Variants in LVRN observed in about 807,000 individuals in gnomAD.
LVRN encodes the protein laeverin, also known as aminopeptidase Q.
LVRN carries 99 observed loss-of-function variants against 111.4 expected under a neutral mutation model. That is an observed-to-expected ratio of 0.89 (90% CI 0.76 to 1.05). The LOEUF is 1.05. Among genes scored for constraint, LVRN ranks in the 50% least tolerant of loss-of-function variants. LVRN has a pLI of 0.00. For missense variants in LVRN, 1,414 were observed against 1,206.8 expected, an observed-to-expected ratio of 1.17 and a Z score of -2.54; for synonymous variants, 488 against 449.5, an observed-to-expected ratio of 1.09 and a Z score of -1.08.
rs10062297 is a variant in LVRN at position 115,962,681 on chromosome 5, C to T, written c.64C>T (p.Leu22=). The change falls in exon 1 of 20, where the codon CTG becomes TTG. Residue 22 remains leucine (L), a synonymous_variant. Transcript: ENST00000357872. ...SRAVALLLAG[L]VAALLLALAV... Reference sequence around the variant, plus strand: ...CGCAGTGGCCCTGCTGCTGGCTGGGCTGGTAGCCGCCCTCCTGCTGGCGCT... The same window carrying T: ...CGCAGTGGCCCTGCTGCTGGCTGGGTTGGTAGCCGCCCTCCTGCTGGCGCT... 0.8 allele frequency: 1,288,851 copies of T among 1,609,970 alleles called. 517,814 individuals carry two copies. Among genetic ancestry groups the T allele is most frequent in the African/African-American group, 0.85 (63,373 of 74,920 alleles).
chr5:116,000,394 G>T, intron 7 of LVRN, 39 bp from the exon 8 acceptor site: 1 of 1,600,880 alleles, frequency 6.2e-7, no homozygotes, highest in Non-Finnish European at 8.6e-7. Context: ...TGTGGATATT[G>T]AATTTTGTTC....
At position 116,001,041 on chromosome 5, in the gene LVRN, G is replaced by A. The variant is rs746662285; in HGVS notation, c.1648-26G>A. 3.2e-6 allele frequency: 5 copies of A among 1,572,594 alleles called. No homozygotes were observed. In the Admixed American group the frequency reaches 8.5e-5, roughly 27 times the overall value. On this transcript the variant is annotated intron_variant, in intron 9 of 19. Transcript: ENST00000357872. Reference sequence around the variant, plus strand: ...AAATGTTTCACGGATAACCTTACCTGCCTTTGTGGTGATTTTTTAAAACAG... The same window carrying A: ...AAATGTTTCACGGATAACCTTACCTACCTTTGTGGTGATTTTTTAAAACAG...
intron 19 of LVRN, among the ~76,000 whole-genome samples, chr5:116,025,765 T>A (rs963209547): frequency 6.6e-6 from 1 of 152,226 alleles, no homozygotes; most frequent in Non-Finnish European, 1.5e-5. Context: ...CACCTTCCTG[T>A]CTACATCTGC....
intron 10 of LVRN, among the ~76,000 whole-genome samples, chr5:116,002,232 A>T (rs1269040061): frequency 2.0e-5 from 3 of 152,190 alleles, no homozygotes; most frequent in Admixed American, 1.3e-4. Context: ...GGAACTTAAC[A>T]AGATTGGAAA....
rs146635736 is a variant in LVRN at position 116,010,837 on chromosome 5, G to C, written c.2190G>C (p.Leu730Phe). 1 of 1,610,854 alleles carries C rather than the reference G, an allele frequency of 6.2e-7. No homozygotes were observed. The highest frequency in any genetic ancestry group is 8.5e-7 in the Non-Finnish European group (1 of 1,178,436). Residue 730 changes from leucine to phenylalanine, a missense_variant, in exon 14 of 20, where the codon TTG becomes TTC. By Grantham distance (22) the Leu-to-Phe change is conservative. Coordinates refer to ENST00000357872, the MANE Select transcript of LVRN (RefSeq NM_173800.5). ...TATGGCATACAGTCTTGGTAAACTTGGTAACCAGGGATCTTGTTTCTGAGG... is the reference window on the plus strand; with the variant it reads ...TATGGCATACAGTCTTGGTAAACTTCGTAACCAGGGATCTTGTTTCTGAGG... ...IIVWHTVLVN[L>F]VTRDLVSEVN...
In LVRN at chr5:116,002,856, T is replaced by C; in HGVS notation, c.1842T>C (p.Ile614=). 2 of 1,610,290 alleles carry C rather than the reference T, an allele frequency of 1.2e-6. No individual in the cohort carries two copies. Among genetic ancestry groups the C allele is most frequent in the Non-Finnish European group, 1.7e-6 (2 of 1,177,298 alleles). ...TAAGTGACACATGGATTGTCCCTAT[T>C]CTTTGGATAAAAAATGGAACTACAC... is the stretch of plus-strand genomic sequence containing the variant. ...LTSNDTWIVP[I]LWIKNGTTQP... The change falls in exon 11 of 20, where the codon ATT becomes ATC. Residue 614 remains isoleucine, a synonymous_variant. Transcript: ENST00000357872.
intron 18 of LVRN, among the ~76,000 whole-genome samples, chr5:116,019,405 C>A (rs1331975924): frequency 6.6e-6 from 1 of 152,002 alleles, no homozygotes; most frequent in Non-Finnish European, 1.5e-5. Context: ...TGAATATAAA[C>A]AGGCACATCA....
chr5:115,964,165 C>A (rs1753152513), intron 1 of LVRN, among the ~76,000 whole-genome samples: 1 of 152,154 alleles, frequency 6.6e-6, no homozygotes, highest in Non-Finnish European at 1.5e-5. Context: ...TGGGAGATAT[C>A]AAAATTTATT....
At chr5:115,967,675 A>G (rs1056111971) in intron 1 of LVRN, among the ~76,000 whole-genome samples, 4 of 152,182 alleles carry the variant, frequency 2.6e-5, no homozygotes, top group African/African-American at 9.7e-5. Flanking sequence ...TTAAACCTTT[A>G]TGTAAATTTA....
intron 4 of LVRN, among the ~76,000 whole-genome samples, chr5:115,991,594 T>C (rs1747988678): frequency 1.3e-5 from 2 of 152,212 alleles, no homozygotes; most frequent in Non-Finnish European, 2.9e-5. Flanking sequence ...ATGGTCAACC[T>C]ATAGTGACTG....
At chr5:115,998,548 G>A (rs1194762716) in intron 6 of LVRN, among the ~76,000 whole-genome samples, 1 of 152,140 alleles carries the variant, frequency 6.6e-6, no homozygotes, top group Non-Finnish European at 1.5e-5. Context: ...TCTACATTGT[G>A]CTTATAGGTC....
chr5:116,018,912 T>C (rs1748657658), intron 18 of LVRN, among the ~76,000 whole-genome samples: 1 of 152,094 alleles, frequency 6.6e-6, no homozygotes, highest in Non-Finnish European at 1.5e-5. Flanking sequence ...AGAGTTCCCA[T>C]ATATCCCTCT....
At chr5:115,992,017 T>A (rs1384646659) in intron 4 of LVRN, 106 bp from the exon 5 acceptor site, 1 of 1,070,006 alleles carries the variant, frequency 9.3e-7, no homozygotes, top group African/African-American at 1.6e-5. Flanking sequence ...TTATAAATAT[T>A]CCCTTGAATT....
At chr5:115,994,514 C>G (rs1267432259) in intron 6 of LVRN, among the ~76,000 whole-genome samples, 2 of 152,204 alleles carry the variant, frequency 1.3e-5, no homozygotes, top group Non-Finnish European at 2.9e-5. Flanking sequence ...CTCAAGGGAT[C>G]CACCAGCCTC....
At chr5:116,024,522 A>G (rs1444871956) in intron 19 of LVRN, among the ~76,000 whole-genome samples, 3 of 152,156 alleles carry the variant, frequency 2.0e-5, no homozygotes, top group African/African-American at 7.2e-5. Context: ...TTTATCAGGT[A>G]TTCCCTGGAC....
chr5:116,011,788 A>G (rs1423775902), intron 14 of LVRN, among the ~76,000 whole-genome samples: 1 of 152,116 alleles, frequency 6.6e-6, no homozygotes, highest in Non-Finnish European at 1.5e-5. Context: ...TAAAACTAAT[A>G]TTTGTTTTCA....
At chr5:115,979,135 G>A (rs1753510189) in intron 1 of LVRN, among the ~76,000 whole-genome samples, 1 of 152,054 alleles carries the variant, frequency 6.6e-6, no homozygotes, top group Non-Finnish European at 1.5e-5. Flanking sequence ...GTATGGTAGG[G>A]GACACAGCTC....
chr5:115,993,735 C>T lies in LVRN; in HGVS notation c.1261-6C>T. The T allele has an allele frequency of 6.3e-7, 1 of 1,583,254 alleles. No homozygotes were observed. Among genetic ancestry groups the T allele is most frequent in the Non-Finnish European group, 8.6e-7 (1 of 1,163,178 alleles). On this transcript the variant is annotated splice_region_variant and splice_polypyrimidine_tract_variant and intron_variant, in intron 5 of 19. Transcript: ENST00000357872. ...AAAGCTCTTTTTTTCTTCTCATTTC[C>T]AAAAGTGGTTTGGAAACTTGGTTAC...
chr5:115,962,609 G>T lies in LVRN; in HGVS notation c.-9G>T. 2 of 1,588,734 alleles carry T rather than the reference G, an allele frequency of 1.3e-6. No homozygotes were observed. Among genetic ancestry groups the T allele is most frequent in the Non-Finnish European group, 1.7e-6 (2 of 1,169,746 alleles). ...AGCTCCAGCCTCGCGCCTGAACCCGGTCCCTGCCATGGGGCCCCCTTCCAG... is the reference window on the plus strand; with the variant it reads ...AGCTCCAGCCTCGCGCCTGAACCCGTTCCCTGCCATGGGGCCCCCTTCCAG... On this transcript the variant is annotated 5_prime_UTR_variant, in exon 1 of 20. Coordinates refer to ENST00000357872, the MANE Select transcript of LVRN (RefSeq NM_173800.5).
Sources: gnomAD v4.1 joint callset for allele counts (sites outside exome capture counted in the v4.1 genomes callset) on GRCh38, gnomAD v4.1.1 for gene constraint, MANE v1.5 for transcripts, NCBI Gene and HGNC (gene_info 2026-07-23, HGNC 2026-07-21) for gene names.